The following TMEFF2 variants were observed in gnomAD, a reference collection of about 807,000 sequenced individuals.
The protein encoded by TMEFF2 is transmembrane protein with EGF like and two follistatin like domains 2.
Under a neutral mutation model 53.8 loss-of-function variants are expected in TMEFF2, and 28 were observed. The observed-to-expected ratio is 0.52, with a 90% confidence interval of 0.39 to 0.71. TMEFF2 has a LOEUF of 0.71. Ranked by LOEUF, TMEFF2 falls within the 30% of genes least tolerant of loss-of-function variation. The pLI is 0.00. For synonymous variants in TMEFF2, 162 were observed against 166.3 expected (o/e 0.97, Z 0.20); for missense variants, 353 against 455.2 (o/e 0.78, Z 2.04).
At chr2:192,094,803 C>T (rs888035621) in intron 4 of TMEFF2, among the ~76,000 whole-genome samples, 5 of 152,048 alleles carry the variant, frequency 3.3e-5, no homozygotes, top group Non-Finnish European at 7.4e-5. Flanking sequence ...GTTAAATTCA[C>T]CTTAAGAATT....
intron 4 of TMEFF2, among the ~76,000 whole-genome samples, chr2:192,170,562 C>A (rs936739064): frequency 6.6e-6 from 1 of 151,652 alleles, no homozygotes; most frequent in East Asian, 1.9e-4. Flanking sequence ...ACAGGAGAAA[C>A]GAGTAAGAAT....
chr2:192,016,131 CCATAT>C (rs984114294), intron 5 of TMEFF2, among the ~76,000 whole-genome samples: 3 of 151,972 alleles, frequency 2.0e-5, no homozygotes, highest in African/African-American at 4.8e-5. Flanking sequence ...GGGGTTGTGG[CCATAT>C]CATAAGACAG....
chr2:191,967,334 A>G (rs938145631), intron 7 of TMEFF2, among the ~76,000 whole-genome samples: 6 of 152,242 alleles, frequency 3.9e-5, no homozygotes, highest in African/African-American at 1.4e-4. Flanking sequence ...AAGTATGTAT[A>G]TAGATATATA....
At chr2:192,091,800 T>C (rs1436186777) in intron 4 of TMEFF2, among the ~76,000 whole-genome samples, 2 of 152,178 alleles carry the variant, frequency 1.3e-5, no homozygotes, top group Admixed American at 1.3e-4. Flanking sequence ...TGAACTGCTA[T>C]GTGCCTTTTA....
rs537238026 is a variant in TMEFF2 at position 191,981,242 on chromosome 2, A to G, written c.745+17020T>C. On this transcript the variant is annotated intron_variant, in intron 7 of 9. Coordinates refer to ENST00000272771, the MANE Select transcript of TMEFF2 (RefSeq NM_016192.4). ...TCCAGTTGCTCCACTTTTTCATTCC[A>G]TGCTTTAGCCATGAAACTATTTGTC... Among the ~76,000 whole-genome samples the G allele has an allele frequency of 2.0e-5, 3 of 152,258 alleles. No individual in the cohort carries two copies. The East Asian group carries it at 5.8e-4, about 29-fold the overall frequency.
intron 4 of TMEFF2, among the ~76,000 whole-genome samples, chr2:192,067,676 G>T (rs1489049058): frequency 6.6e-6 from 1 of 151,776 alleles, no homozygotes; most frequent in Non-Finnish European, 1.5e-5. Flanking sequence ...ATTTGGTTTT[G>T]ATAACTTAAA....
intron 7 of TMEFF2, among the ~76,000 whole-genome samples, chr2:191,966,252 G>A (rs1376350414): frequency 6.6e-6 from 1 of 152,212 alleles, no homozygotes; most frequent in Non-Finnish European, 1.5e-5. Flanking sequence ...CCAGAGGGGA[G>A]TGGCTGCAGA....
chr2:192,190,780 G>T (rs1004451476), intron 2 of TMEFF2, among the ~76,000 whole-genome samples: 1 of 152,024 alleles, frequency 6.6e-6, no homozygotes. Context: ...TTAGTGGGAG[G>T]TTGAATTCCA....
chr2:192,168,879 A>C (rs953164860), intron 4 of TMEFF2, among the ~76,000 whole-genome samples: 1 of 151,882 alleles, frequency 6.6e-6, no homozygotes, highest in Non-Finnish European at 1.5e-5. Context: ...GTCTTGTTAC[A>C]TTGCCCAGGC....
intron 4 of TMEFF2, among the ~76,000 whole-genome samples, chr2:192,138,494 C>T (rs1412167992): frequency 2.0e-5 from 3 of 152,164 alleles, no homozygotes; most frequent in African/African-American, 4.8e-5. Context: ...CCCATAGGTC[C>T]GGTCTGAGGC....
chr2:192,148,597 C>T (rs752199520), intron 4 of TMEFF2, among the ~76,000 whole-genome samples: 3 of 151,926 alleles, frequency 2.0e-5, no homozygotes, highest in African/African-American at 4.8e-5. Flanking sequence ...GTTTACTCTT[C>T]GTTAATATTG....
chr2:192,050,355 A>T (rs1288847529), intron 5 of TMEFF2, among the ~76,000 whole-genome samples: 1 of 152,226 alleles, frequency 6.6e-6, no homozygotes, highest in Non-Finnish European at 1.5e-5. Flanking sequence ...AAGATTCTCT[A>T]GAATTTATGT....
chr2:192,012,142 A>G (rs1364029946), intron 5 of TMEFF2, among the ~76,000 whole-genome samples: 1 of 152,144 alleles, frequency 6.6e-6, no homozygotes, highest in Non-Finnish European at 1.5e-5. Context: ...TGACCTCGTG[A>G]TCCACCCGCC....
chr2:192,030,751 G>T (rs915150547), intron 5 of TMEFF2: 3 of 152,124 alleles, frequency 2.0e-5, no homozygotes, highest in African/African-American at 4.8e-5. Context: ...GAAACAAAAA[G>T]AATACAGTAA....
At chr2:192,184,556 A>T in intron 2 of TMEFF2, 73 bp from the exon 3 acceptor site, 3 of 1,555,400 alleles carry the variant, frequency 1.9e-6, no homozygotes, top group Non-Finnish European at 2.6e-6. Context: ...GAACAGAAAT[A>T]ATCATTTACA....
chr2:191,998,701 G>C (rs1302032606), intron 6 of TMEFF2, among the ~76,000 whole-genome samples: 1 of 151,944 alleles, frequency 6.6e-6, no homozygotes, highest in Non-Finnish European at 1.5e-5. Flanking sequence ...TAAAAATGAA[G>C]TGATTTGCTT....
At chr2:192,138,307 G>C (rs1048494794) in intron 4 of TMEFF2, among the ~76,000 whole-genome samples, 1 of 152,162 alleles carries the variant, frequency 6.6e-6, no homozygotes, top group Admixed American at 6.5e-5. Context: ...TTGTGACATC[G>C]GTACAGATAT....
At chr2:192,025,132 T>C (rs1446894932) in intron 5 of TMEFF2, among the ~76,000 whole-genome samples, 1 of 152,222 alleles carries the variant, frequency 6.6e-6, no homozygotes, top group African/African-American at 2.4e-5. Flanking sequence ...GAATCCAGAC[T>C]TCAAGCTATA....
intron 7 of TMEFF2, among the ~76,000 whole-genome samples, chr2:191,965,882 C>G (rs540154253): frequency 9.9e-5 from 15 of 152,056 alleles, no homozygotes; most frequent in Non-Finnish European, 2.2e-4. Flanking sequence ...TAAAACCACT[C>G]TCCTATTCTG....
Sources: gnomAD v4.1 joint callset for allele counts (sites outside exome capture counted in the v4.1 genomes callset) on GRCh38, gnomAD v4.1.1 for gene constraint, MANE v1.5 for transcripts, NCBI Gene and HGNC (gene_info 2026-07-23, HGNC 2026-07-21) for gene names.